Variants in COL25A1 observed in about 807,000 individuals in gnomAD.
The protein encoded by COL25A1 is collagen type XXV alpha 1 chain, also known as collagen alpha-1(XXV) chain.
Under a neutral mutation model 128.4 loss-of-function variants are expected in COL25A1, and 103 were observed. That is an observed-to-expected ratio of 0.80 (90% CI 0.68 to 0.94). The LOEUF is 0.94. Ranked by LOEUF, COL25A1 falls within the 40% of genes least tolerant of loss-of-function variation. The pLI, the probability that COL25A1 is intolerant of heterozygous loss-of-function variation, is 0.00. For missense variants in COL25A1, 745 were observed against 840.0 expected, an observed-to-expected ratio of 0.89 and a Z score of 1.40; for synonymous variants, 279 against 277.2, an observed-to-expected ratio of 1.01 and a Z score of -0.06.
At chr4:108,838,238 A>G in intron 31 of COL25A1, 1 of 1,168,968 alleles carries the variant, frequency 8.6e-7, no homozygotes, top group African/African-American at 1.5e-5. Flanking sequence ...ACTGTGAGAG[A>G]AGAGAGCCAG....
intron 3 of COL25A1, among the ~76,000 whole-genome samples, chr4:109,110,876 T>C (rs967835726): frequency 1.3e-5 from 2 of 152,210 alleles, no homozygotes; most frequent in Non-Finnish European, 2.9e-5. Context: ...TCTTCATCTA[T>C]TTTCGTCTGC....
chr4:108,905,630 G>A (rs1743393702), intron 13 of COL25A1, among the ~76,000 whole-genome samples: 1 of 151,648 alleles, frequency 6.6e-6, no homozygotes, highest in African/African-American at 2.4e-5. Context: ...TGTATTTGAG[G>A]TTTGCATTAT....
At chr4:108,906,773 G>C (rs1285171272) in intron 13 of COL25A1, among the ~76,000 whole-genome samples, 4 of 152,158 alleles carry the variant, frequency 2.6e-5, no homozygotes, top group African/African-American at 9.7e-5. Flanking sequence ...TCCTTGGGCA[G>C]AGAACTTGGT....
chr4:109,271,634 T>C (rs1323113503), intron 3 of COL25A1, among the ~76,000 whole-genome samples: 4 of 152,232 alleles, frequency 2.6e-5, no homozygotes, highest in African/African-American at 4.8e-5. Context: ...GTCAGTCACC[T>C]GCTATGAACT....
chr4:109,153,351 A>G (rs1396322520), intron 3 of COL25A1, among the ~76,000 whole-genome samples: 1 of 149,392 alleles, frequency 6.7e-6, no homozygotes, highest in Non-Finnish European at 1.5e-5. Flanking sequence ...ATTGCACTCC[A>G]GCCTGGGCAA....
chr4:109,194,542 TAGA>T (rs1775866888), intron 3 of COL25A1, among the ~76,000 whole-genome samples: 3 of 151,686 alleles, frequency 2.0e-5, no homozygotes, highest in Admixed American at 2.0e-4. Flanking sequence ...ATGGAGTATA[TAGA>T]AGGAGTGAGG....
intron 3 of COL25A1, among the ~76,000 whole-genome samples, chr4:109,081,866 G>A (rs1184686524): frequency 1.3e-5 from 2 of 152,032 alleles, no homozygotes; most frequent in South Asian, 2.1e-4. Context: ...ACCACGCCCG[G>A]CTAATTTTTG....
At chr4:109,174,570 G>T (rs920170791) in intron 3 of COL25A1, among the ~76,000 whole-genome samples, 8 of 152,222 alleles carry the variant, frequency 5.3e-5, no homozygotes, top group African/African-American at 1.9e-4. Flanking sequence ...CAACCCCTCT[G>T]TGGCACTGCA....
At chr4:109,066,545 A>AC (rs1324393619) in intron 3 of COL25A1, among the ~76,000 whole-genome samples, 1 of 152,240 alleles carries the variant, frequency 6.6e-6, no homozygotes, top group African/African-American at 2.4e-5. Context: ...AGCACTTAAA[A>AC]ACAGAGAACC....
chr4:109,044,534 G>A (rs1760236722), intron 5 of COL25A1, among the ~76,000 whole-genome samples: 1 of 152,116 alleles, frequency 6.6e-6, no homozygotes, highest in African/African-American at 2.4e-5. Flanking sequence ...ATAATGAAGT[G>A]AAAGTGAATG....
intron 3 of COL25A1, among the ~76,000 whole-genome samples, chr4:109,070,186 A>AG (rs1361084378): frequency 1.3e-5 from 2 of 151,636 alleles, no homozygotes; most frequent in Non-Finnish European, 2.9e-5. Context: ...TGAACCCAAG[A>AG]GTTGGAGGCT....
intron 3 of COL25A1, among the ~76,000 whole-genome samples, chr4:109,278,079 G>C (rs967957358): frequency 6.7e-6 from 1 of 149,784 alleles, no homozygotes; most frequent in Admixed American, 6.6e-5. Context: ...AGGTTGCAGC[G>C]AGCCGAGATC....
At chr4:109,031,696 C>G (rs1313379610) in intron 5 of COL25A1, among the ~76,000 whole-genome samples, 1 of 152,132 alleles carries the variant, frequency 6.6e-6, no homozygotes, top group Non-Finnish European at 1.5e-5. Flanking sequence ...ATAGTTAGAC[C>G]TGGCAGTCAA....
chr4:109,262,756 C>T (rs1330993187), intron 3 of COL25A1, among the ~76,000 whole-genome samples: 2 of 152,064 alleles, frequency 1.3e-5, no homozygotes, highest in African/African-American at 2.4e-5. Flanking sequence ...ATTAATATCC[C>T]CAAAAATCAT....
At chr4:109,008,654 G>T (rs1291424600) in intron 6 of COL25A1, among the ~76,000 whole-genome samples, 1 of 152,048 alleles carries the variant, frequency 6.6e-6, no homozygotes, top group African/African-American at 2.4e-5. Flanking sequence ...AGGTATGAGG[G>T]TTTTAGAGAC....
chr4:109,118,876 A>T (rs1047418743), intron 3 of COL25A1, among the ~76,000 whole-genome samples: 2 of 152,024 alleles, frequency 1.3e-5, no homozygotes, highest in African/African-American at 4.8e-5. Context: ...GGTATAAGTG[A>T]CATATATGGA....
At chr4:108,814,154 T>C (rs115114443) in intron 37 of COL25A1, among the ~76,000 whole-genome samples, 152 of 152,314 alleles carry the variant, frequency 1.0e-3, no homozygotes, top group African/African-American at 3.6e-3. Context: ...CATTCCACAT[T>C]TTTCCTTTGC....
intron 12 of COL25A1, 38 bp from the exon 13 acceptor site, chr4:108,918,254 C>A (rs977112440): frequency 7.0e-7 from 1 of 1,419,176 alleles, no homozygotes; most frequent in Admixed American, 2.0e-5. Context: ...TGATATCATA[C>A]ACAAAATATT....
chr4:109,058,719 C>T (rs902975596), intron 3 of COL25A1, among the ~76,000 whole-genome samples: 5 of 152,170 alleles, frequency 3.3e-5, no homozygotes, highest in Middle Eastern at 3.4e-3. Flanking sequence ...GCCAAATTGC[C>T]GATGGATGAA....
Sources: gnomAD v4.1 joint callset for allele counts (sites outside exome capture counted in the v4.1 genomes callset) on GRCh38, gnomAD v4.1.1 for gene constraint, MANE v1.5 for transcripts, NCBI Gene and HGNC (gene_info 2026-07-23, HGNC 2026-07-21) for gene names.